RIMS2: variants seen among roughly 807,000 people sequenced by gnomAD.
RIMS2 encodes the protein regulating synaptic membrane exocytosis protein 2.
In RIMS2, 59 loss-of-function variants were observed where a neutral mutation model predicts 174.4. The observed-to-expected ratio is 0.34, with a 90% confidence interval of 0.27 to 0.42. RIMS2 has a LOEUF of 0.42. Ranked by LOEUF, RIMS2 falls within the 10% of genes least tolerant of loss-of-function variation. The probability of loss-of-function intolerance (pLI) is 1.00; values close to 1 mark genes in which losing one functional copy is unlikely to be tolerated. For synonymous variants in RIMS2, 606 were observed against 572.5 expected (o/e 1.06, Z -0.84); for missense variants, 1,620 against 1,666.3 (o/e 0.97, Z 0.48).
At chr8:103,642,705 G>T in intron 1 of RIMS2, among the ~76,000 whole-genome samples, 1 of 151,812 alleles carries the variant, frequency 6.6e-6, no homozygotes, top group East Asian at 1.9e-4. Context: ...AGACCTATAG[G>T]TTGGTTGGTT....
intron 1 of RIMS2, among the ~76,000 whole-genome samples, chr8:103,636,260 G>A (rs1392159933): frequency 2.0e-5 from 3 of 152,152 alleles, no homozygotes; most frequent in African/African-American, 7.2e-5. Context: ...GTGCCCTGGA[G>A]TCAGTCTCTT....
chr8:103,761,975 G>T (rs1204025859), intron 2 of RIMS2, among the ~76,000 whole-genome samples: 18 of 149,940 alleles, frequency 1.2e-4, no homozygotes, highest in Admixed American at 1.1e-3. Context: ...ATAGTATTTT[G>T]CAGACCTTTA....
At chr8:103,792,721 T>A (rs1592525740) in intron 3 of RIMS2, among the ~76,000 whole-genome samples, 1 of 143,934 alleles carries the variant, frequency 6.9e-6, no homozygotes. Context: ...AAGAATCAAA[T>A]AGACGCAATA....
At chr8:104,161,477 A>G (rs2098760821) in intron 19 of RIMS2, among the ~76,000 whole-genome samples, 1 of 152,204 alleles carries the variant, frequency 6.6e-6, no homozygotes, top group Admixed American at 6.5e-5. Context: ...TAGGGTTGGC[A>G]ATAGGGATCT....
intron 19 of RIMS2, among the ~76,000 whole-genome samples, chr8:104,048,259 C>T (rs1451389847): frequency 1.3e-5 from 2 of 152,048 alleles, no homozygotes. Context: ...CTCTAATAGA[C>T]AAAATGGGCA....
At chr8:103,947,888 G>A (rs2084215384) in intron 14 of RIMS2, among the ~76,000 whole-genome samples, 1 of 152,130 alleles carries the variant, frequency 6.6e-6, no homozygotes, top group African/African-American at 2.4e-5. Flanking sequence ...TATACAGTTA[G>A]TTGTTTACTG....
chr8:103,670,962 T>G (rs918121788), intron 1 of RIMS2, among the ~76,000 whole-genome samples: 2 of 152,204 alleles, frequency 1.3e-5, no homozygotes, highest in African/African-American at 4.8e-5. Flanking sequence ...TAGTCCATTT[T>G]CATGCTGTTG....
intron 1 of RIMS2, among the ~76,000 whole-genome samples, chr8:103,514,937 AAAAAAACACACAC>A (rs1416757721): frequency 8.5e-5 from 13 of 152,090 alleles, no homozygotes; most frequent in African/African-American, 3.1e-4. Flanking sequence ...AAAAAAACAA[AAAAAAACACACAC>A]AAAACAAAAA....
intron 1 of RIMS2, among the ~76,000 whole-genome samples, chr8:103,660,908 T>TA (rs1589852501): frequency 6.6e-6 from 1 of 152,260 alleles, no homozygotes; most frequent in East Asian, 1.9e-4. Context: ...ATAAGTAATA[T>TA]AAAAAATGAA....
intron 1 of RIMS2, among the ~76,000 whole-genome samples, chr8:103,575,077 T>C (rs1026552928): frequency 2.0e-5 from 3 of 152,144 alleles, no homozygotes; most frequent in African/African-American, 7.2e-5. Context: ...CCAGAATATA[T>C]AAAACTCACA....
At chr8:104,053,205 C>G (rs578177650) in intron 19 of RIMS2, among the ~76,000 whole-genome samples, 2 of 152,210 alleles carry the variant, frequency 1.3e-5, no homozygotes, top group South Asian at 2.1e-4. Context: ...AATGAACCAC[C>G]AGTAAACCAC....
chr8:104,047,700 T>C (rs2096717999), intron 19 of RIMS2, among the ~76,000 whole-genome samples: 1 of 152,164 alleles, frequency 6.6e-6, no homozygotes, highest in Non-Finnish European at 1.5e-5. Flanking sequence ...TTGATGTGTA[T>C]GCATTATTTC....
At chr8:104,181,492 A>G (rs538629088) in intron 19 of RIMS2, among the ~76,000 whole-genome samples, 2 of 151,636 alleles carry the variant, frequency 1.3e-5, no homozygotes, top group Admixed American at 1.3e-4. Flanking sequence ...TTGTAATTTC[A>G]TATTATGTAT....
intron 14 of RIMS2, among the ~76,000 whole-genome samples, chr8:103,945,697 A>G (rs1386196439): frequency 1.3e-5 from 2 of 152,076 alleles, no homozygotes; most frequent in Non-Finnish European, 2.9e-5. Context: ...CCACATGAAT[A>G]TATGAAAATA....
chr8:103,961,074 G>T, exon 15 of RIMS2: 2 of 1,482,614 alleles, frequency 1.3e-6, no homozygotes, highest in Admixed American at 1.7e-5. Flanking sequence ...GGGTCAAAGA[G>T]AATAAGTGAT....
At chr8:104,175,115 C>T (rs2098872604) in intron 19 of RIMS2, among the ~76,000 whole-genome samples, 1 of 152,122 alleles carries the variant, frequency 6.6e-6, no homozygotes, top group Non-Finnish European at 1.5e-5. Flanking sequence ...CTTGTACATA[C>T]ACCAAGTGCA....
chr8:103,935,056 T>A (rs1216429540), intron 12 of RIMS2, among the ~76,000 whole-genome samples: 1 of 152,206 alleles, frequency 6.6e-6, no homozygotes, highest in African/African-American at 2.4e-5. Context: ...ATCCTGGCCT[T>A]CGTGGAAGGA....
chr8:104,163,552 A>G (rs995957425), intron 19 of RIMS2, among the ~76,000 whole-genome samples: 21 of 152,308 alleles, frequency 1.4e-4, no homozygotes, highest in African/African-American at 5.1e-4. Flanking sequence ...CTTTTGATTT[A>G]AAATCAACCG....
intron 3 of RIMS2, among the ~76,000 whole-genome samples, chr8:103,787,116 T>C (rs2154438300): frequency 6.8e-6 from 1 of 146,758 alleles, no homozygotes; most frequent in South Asian, 2.3e-4. Context: ...TTGTTTTCCA[T>C]TTGCTTGGTA....
Sources: gnomAD v4.1 joint callset for allele counts (sites outside exome capture counted in the v4.1 genomes callset) on GRCh38, gnomAD v4.1.1 for gene constraint, MANE v1.5 for transcripts, NCBI Gene and HGNC (gene_info 2026-07-23, HGNC 2026-07-21) for gene names.